The following RRM1 variants were observed in gnomAD, a reference collection of about 807,000 sequenced individuals.
RRM1 encodes the protein ribonucleoside-diphosphate reductase large subunit.
In RRM1, 19 loss-of-function variants were observed where a neutral mutation model predicts 101.5. The observed-to-expected ratio is 0.19, with a 90% CI of 0.13 to 0.27. RRM1 has a LOEUF of 0.27. RRM1 is among the 10% of genes least tolerant of loss of function. RRM1 has a pLI of 1.00. For synonymous variants in RRM1, 298 were observed against 323.4 expected (o/e 0.92, Z 0.84); for missense variants, 500 against 962.9 (o/e 0.52, Z 6.36).
At chr11:4,103,781 ATTTTTT>A (rs36062278) in intron 2 of RRM1, among the ~76,000 whole-genome samples, 1 of 115,258 alleles carries the variant, frequency 8.7e-6, no homozygotes, top group Admixed American at 9.4e-5. Context: ...CCACCACGCT[ATTTTTT>A]TTTTTTTTTT....
chr11:4,132,736 G>C lies in RRM1; in HGVS notation c.1905+315G>C, dbSNP rs761019863. On this transcript the variant is annotated intron_variant, in intron 16 of 18. Transcript: ENST00000300738. This position sits in a 1 kb window ranked among gnomAD's most constrained non-coding sequence, Gnocchi z 4.1. ...AACTTCTCCCAGATGCTTAAGTTAG[G>C]ATACTCAAAATGTATAAAGAAGTAT... Among the ~76,000 whole-genome samples, 2 of 152,090 alleles carry C rather than the reference G, an allele frequency of 1.3e-5. No homozygotes were observed. The highest frequency in any genetic ancestry group is 2.9e-5 in the Non-Finnish European group (2 of 68,018).
Position 4,138,540 on chromosome 11 carries a change from A to AT in RRM1, c.*167dup, listed in dbSNP as rs866902. ...TAAAGTACTGTTAATGATGATAATG[A>AT]TTTTTTTTTTAAACTCATATATTGG... On this transcript the variant is annotated 3_prime_UTR_variant, in exon 19 of 19. Transcript: ENST00000300738. 2.8e-5 allele frequency: 11 copies of AT among 393,984 alleles called. No homozygotes were observed. Among genetic ancestry groups the AT allele is most frequent in the African/African-American group, 8.3e-5 (4 of 48,252 alleles). The allele number at this position is 393,984 out of a possible 1,614,324, so 24.4% of individuals were successfully genotyped here.
chr11:4,110,824 A>G (rs1412003440), intron 5 of RRM1, among the ~76,000 whole-genome samples: 1 of 151,630 alleles, frequency 6.6e-6, no homozygotes, highest in Admixed American at 6.6e-5. Flanking sequence ...TCTAAACAAC[A>G]TATACACTCA....
intron 18 of RRM1, 141 bp downstream of exon 18, chr11:4,135,411 A>ATGGGT: frequency 1.6e-6 from 1 of 607,160 alleles, no homozygotes; most frequent in Non-Finnish European, 2.7e-6. Flanking sequence ...AAACCAACCC[A>ATGGGT]TGGTTTTTGT....
chr11:4,099,179 G>A (rs1045335253), intron 1 of RRM1: 2 of 151,860 alleles, frequency 1.3e-5, no homozygotes, highest in African/African-American at 4.8e-5. Context: ...GTCTTGCTCT[G>A]TTGCCCAGGC....
intron 3 of RRM1, among the ~76,000 whole-genome samples, chr11:4,106,506 G>T (rs868313756): frequency 5.5e-4 from 84 of 152,324 alleles, no homozygotes; most frequent in East Asian, 5.8e-4. Flanking sequence ...CCAGTGCTTT[G>T]GGAGGCTGAG....
chr11:4,097,541 G>A (rs2094545409), intron 1 of RRM1, among the ~76,000 whole-genome samples: 1 of 147,204 alleles, frequency 6.8e-6, no homozygotes, highest in African/African-American at 2.5e-5. Context: ...GACTTTTTTT[G>A]TACCCCCTTA....
chr11:4,117,787 G>A (rs1215926369), intron 7 of RRM1, among the ~76,000 whole-genome samples: 1 of 152,176 alleles, frequency 6.6e-6, no homozygotes, highest in Non-Finnish European at 1.5e-5. Context: ...GCAGTGAAGA[G>A]ATTATTGATA....
At chr11:4,112,104 A>C in intron 7 of RRM1, 42 bp downstream of exon 7, 1 of 1,491,282 alleles carries the variant, frequency 6.7e-7, no homozygotes, top group East Asian at 2.3e-5. Context: ...ACCTGAAGAA[A>C]CTGGGCAGTT....
chr11:4,104,892 G>A (rs1240473656), intron 2 of RRM1, among the ~76,000 whole-genome samples: 1 of 152,076 alleles, frequency 6.6e-6, no homozygotes, highest in African/African-American at 2.4e-5. Flanking sequence ...TTGCTTTTCT[G>A]TACTTACCTT....
At chr11:4,097,411 G>C (rs1036642795) in intron 1 of RRM1, among the ~76,000 whole-genome samples, 1 of 151,064 alleles carries the variant, frequency 6.6e-6, no homozygotes, top group African/African-American at 2.4e-5. Context: ...TGCCATTGTA[G>C]CATTCAGCAA....
At chr11:4,121,535 C>G (rs530615593) in intron 9 of RRM1, 69 bp from the exon 10 acceptor site, 1 of 1,249,080 alleles carries the variant, frequency 8.0e-7, no homozygotes, top group East Asian at 2.4e-5. Context: ...TATAAAAGTG[C>G]TTTGGGAGAC....
At position 4,121,473 on chromosome 11, in the gene RRM1, A is replaced by G. The variant is rs901679635; in HGVS notation, c.877-131A>G. ...TATATGGAAAACTTACACTTTTATAATACTTTTATTTATGTTATTTAATTC... is the reference window on the plus strand; with the variant it reads ...TATATGGAAAACTTACACTTTTATAGTACTTTTATTTATGTTATTTAATTC... On this transcript the variant is annotated intron_variant, in intron 9 of 18. Transcript: ENST00000300738. 11 of 547,926 alleles carry G rather than the reference A, an allele frequency of 2.0e-5. No homozygotes were observed. The Admixed American group carries it at 2.3e-4, about 12-fold the overall frequency. The allele number at this position is 547,926 out of a possible 1,614,324, so 33.9% of individuals were successfully genotyped here.
chr11:4,114,938 C>A (rs1218474877), intron 7 of RRM1, among the ~76,000 whole-genome samples: 1 of 152,136 alleles, frequency 6.6e-6, no homozygotes, highest in African/African-American at 2.4e-5. Flanking sequence ...ATCTCAAACT[C>A]CTGACCTTGA....
At chr11:4,094,720 C>T, upstream of RRM1, 1 of 533,818 alleles carries the variant, frequency 1.9e-6, no homozygotes, top group Non-Finnish European at 3.4e-6. Flanking sequence ...ATGGCGGCTA[C>T]ACGTCGCCTG....
chr11:4,094,995 C>A lies in RRM1; in HGVS notation c.-18C>A. On this transcript the variant is annotated 5_prime_UTR_variant, in exon 1 of 19. Coordinates refer to ENST00000300738, the MANE Select transcript of RRM1 (RefSeq NM_001033.5). ...CAGTCCAGTCTTGGATCCTTCAGAG[C>A]CTCAGCCACTAGCTGCGATGCATGT... The A allele has an allele frequency of 1.9e-6, 3 of 1,561,530 alleles. No individual in the cohort carries two copies. Among genetic ancestry groups the A allele is most frequent in the Non-Finnish European group, 2.6e-6 (3 of 1,152,800 alleles).
chr11:4,117,490 G>A (rs1293481942), intron 7 of RRM1, among the ~76,000 whole-genome samples: 2 of 152,158 alleles, frequency 1.3e-5, no homozygotes, highest in Non-Finnish European at 2.9e-5. Context: ...ATATCAAAAG[G>A]ATTAATTTCT....
intron 9 of RRM1, 155 bp from the exon 10 acceptor site, chr11:4,121,449 A>T: frequency 2.1e-6 from 1 of 479,524 alleles, no homozygotes; most frequent in South Asian, 5.7e-5. Flanking sequence ...TTACAATTAT[A>T]TATGGAAAAC....
chr11:4,137,436 C>T (rs9665829), intron 18 of RRM1: 35,811 of 112,466 alleles, frequency 0.32, 6,925 homozygotes, highest in African/African-American at 0.43. Context: ...GGCGGCTGGC[C>T]GGGCGGGGGG....
Sources: gnomAD v4.1 joint callset for allele counts (sites outside exome capture counted in the v4.1 genomes callset) on GRCh38, gnomAD v4.1.1 for gene constraint, Gnocchi (gnomAD v3.1) non-coding constraint, MANE v1.5 for transcripts, NCBI Gene and HGNC (gene_info 2026-07-23, HGNC 2026-07-21) for gene names.